OOEP: variants seen among roughly 807,000 people sequenced by gnomAD.
The protein encoded by OOEP is oocyte-expressed protein homolog.
In OOEP, 16 loss-of-function variants were observed where a neutral mutation model predicts 13.7. The ratio of observed to expected loss-of-function variants is 1.16; its 90% CI spans 0.79 to 1.77. The LOEUF (loss-of-function observed/expected upper bound fraction) is 1.77. Ranked by LOEUF, OOEP falls within the 40% of genes most tolerant of loss-of-function variation. The pLI, the probability that OOEP is intolerant of heterozygous loss-of-function variation, is 0.00. For synonymous variants in OOEP, 89 were observed against 77.1 expected, an observed-to-expected ratio of 1.15 and a Z score of -0.81; for missense variants, 195 against 193.1, an observed-to-expected ratio of 1.01 and a Z score of -0.06.
At position 73,368,609 on chromosome 6, in the gene OOEP, A is replaced by G. The variant is rs531445155; in HGVS notation, c.*175T>C. On this transcript the variant is annotated 3_prime_UTR_variant, in exon 3 of 3. Transcript: ENST00000370359. ...TGAAGATCTTAATGCTTTTGGCAAAATAGCCATTTCTTTATTAGAATAGTT... is the reference window on the plus strand; with the variant it reads ...TGAAGATCTTAATGCTTTTGGCAAAGTAGCCATTTCTTTATTAGAATAGTT... 2.2e-5 allele frequency: 12 copies of G among 557,828 alleles called. No individual in the cohort carries two copies. In the South Asian group the frequency reaches 2.9e-4, roughly 13 times the overall value. The allele number at this position is 557,828 out of a possible 1,614,324, so 34.6% of individuals were successfully genotyped here. A position where few individuals can be genotyped will look rare whatever the true frequency, so the allele number is the denominator to read the frequency against.
chr6:73,386,130 T>A (rs1769269467), intron 2 of OOEP, among the ~76,000 whole-genome samples: 1 of 151,232 alleles, frequency 6.6e-6, no homozygotes. Context: ...GTTTCGCTCT[T>A]GTTGCCCAGG....
intron 2 of OOEP, among the ~76,000 whole-genome samples, chr6:73,382,339 T>G (rs980636001): frequency 1.3e-5 from 2 of 149,688 alleles, no homozygotes; most frequent in Non-Finnish European, 3.0e-5. Flanking sequence ...TGCCTCAGCC[T>G]CCTGAGTAGC....
intron 1 of OOEP, 58 bp from the exon 2 acceptor site, chr6:73,369,443 T>G (rs1769009466): frequency 1.3e-6 from 2 of 1,558,340 alleles, no homozygotes; most frequent in African/African-American, 2.7e-5. Context: ...GAAGCTGGAT[T>G]TGAAGGGAAT....
At position 73,387,079 on chromosome 6, in the gene OOEP, C is replaced by T. The variant is rs1047590148; in HGVS notation, c.25+7267G>A. 2.7e-5 allele frequency among the ~76,000 whole-genome samples: 4 copies of T among 149,848 alleles called. No homozygotes were observed. The Admixed American group carries it at 2.7e-4, about 10-fold the overall frequency. On this transcript the variant is annotated intron_variant, in intron 2 of 3. Transcript: ENST00000370363. ...CAGAAAAGTAAACCCTTCATGCTCA[C>T]GGCTTAAAATATCTTTGTTTATATA...
At chr6:73,394,994 G>C (rs1324364820) in exon 1 of OOEP, 2 of 1,614,166 alleles carry the variant, frequency 1.2e-6, no homozygotes, top group Non-Finnish European at 8.5e-7. Flanking sequence ...CCAGAGAGGA[G>C]GCCGGCGGAG....
intron 2 of OOEP, among the ~76,000 whole-genome samples, chr6:73,389,942 A>C (rs1032902622): frequency 6.6e-6 from 1 of 152,220 alleles, no homozygotes; most frequent in Admixed American, 6.5e-5. Flanking sequence ...TCAAAATGTT[A>C]AATCCGCCGG....
At chr6:73,390,507 T>C (rs984895276) in intron 2 of OOEP, among the ~76,000 whole-genome samples, 3 of 152,138 alleles carry the variant, frequency 2.0e-5, no homozygotes, top group African/African-American at 4.8e-5. Flanking sequence ...ACTAGGTAAA[T>C]AGTTATTCTA....
chr6:73,394,960 C>A, exon 1 of OOEP: 1 of 1,614,222 alleles, frequency 6.2e-7, no homozygotes, highest in Non-Finnish European at 8.5e-7. Flanking sequence ...TGCTAGTCGG[C>A]GAAGCTCGAC....
intron 2 of OOEP, among the ~76,000 whole-genome samples, chr6:73,381,205 T>TAAAA (rs66507015): frequency 7.9e-5 from 8 of 100,972 alleles, no homozygotes; most frequent in African/African-American, 1.7e-4. Flanking sequence ...AAAAAAGTGT[T>TAAAA]AAAAAAAAAA....
chr6:73,374,851 G>A (rs1343774514), upstream of OOEP, among the ~76,000 whole-genome samples: 1 of 152,162 alleles, frequency 6.6e-6, no homozygotes, highest in African/African-American at 2.4e-5. Flanking sequence ...TTGAGACAGA[G>A]TCTCGCTCTT....
upstream of OOEP, chr6:73,373,357 C>G: frequency 7.9e-7 from 1 of 1,265,846 alleles, no homozygotes; most frequent in East Asian, 2.4e-5. Context: ...CAGGGTCTCA[C>G]TCTGTCACCC....
intron 2 of OOEP, among the ~76,000 whole-genome samples, chr6:73,393,633 C>T (rs976647081): frequency 1.3e-5 from 2 of 152,036 alleles, no homozygotes; most frequent in Admixed American, 6.6e-5. Flanking sequence ...GATACCAGCC[C>T]GGGCAACATA....
intron 2 of OOEP, among the ~76,000 whole-genome samples, chr6:73,381,906 G>C (rs552425361): frequency 6.6e-6 from 1 of 150,910 alleles, no homozygotes; most frequent in Non-Finnish European, 1.5e-5. Flanking sequence ...ACTTGAACCC[G>C]GGAGGCAGAG....
At chr6:73,392,558 C>A (rs1282931851) in intron 2 of OOEP, among the ~76,000 whole-genome samples, 2 of 149,406 alleles carry the variant, frequency 1.3e-5, no homozygotes, top group Non-Finnish European at 3.0e-5. Flanking sequence ...CCCACCTCAA[C>A]CTCCCAAGGT....
intron 1 of OOEP, chr6:73,394,559 G>T: frequency 1.8e-6 from 1 of 560,232 alleles, no homozygotes; most frequent in Non-Finnish European, 3.1e-6. Context: ...TGTCCAGTAG[G>T]GGAGGGAGCA....
chr6:73,381,543 G>A (rs149954191), intron 2 of OOEP, among the ~76,000 whole-genome samples: 4 of 152,360 alleles, frequency 2.6e-5, no homozygotes, highest in Non-Finnish European at 4.4e-5. Context: ...AAAAACTGCA[G>A]TGTTCCAGTA....
At chr6:73,385,526 T>C (rs1360966355) in intron 2 of OOEP, among the ~76,000 whole-genome samples, 1 of 151,620 alleles carries the variant, frequency 6.6e-6, no homozygotes, top group Non-Finnish European at 1.5e-5. Context: ...ATGCAGCAAA[T>C]GCATTTTACA....
chr6:73,375,823 A>C (rs1312896497), intron 2 of OOEP, among the ~76,000 whole-genome samples: 2 of 130,348 alleles, frequency 1.5e-5, no homozygotes, highest in Non-Finnish European at 1.6e-5. Flanking sequence ...ATGGAGTCTC[A>C]CTCTGTTGCA....
chr6:73,377,706 C>T (rs1769154415), intron 2 of OOEP, among the ~76,000 whole-genome samples: 1 of 152,140 alleles, frequency 6.6e-6, no homozygotes, highest in Non-Finnish European at 1.5e-5. Flanking sequence ...CTTACTCTGT[C>T]ACCTAGACGG....
Sources: gnomAD v4.1 joint callset for allele counts (sites outside exome capture counted in the v4.1 genomes callset) on GRCh38, gnomAD v4.1.1 for gene constraint, MANE v1.5 for transcripts, NCBI Gene and HGNC (gene_info 2026-07-23, HGNC 2026-07-21) for gene names.